Variants in FANCA observed in about 807,000 individuals in gnomAD.
The protein encoded by FANCA is FA complementation group A, also known as Fanconi anemia group A protein.
FANCA carries 236 observed loss-of-function variants against 194.3 expected under a neutral mutation model. The observed-to-expected ratio is 1.21, with a 90% confidence interval of 1.09 to 1.35. The LOEUF is 1.35. FANCA is among the 40% of genes most tolerant of loss of function. FANCA has a pLI of 0.00. For missense variants in FANCA, 2,628 were observed against 1,813.9 expected, an observed-to-expected ratio of 1.45 and a Z score of -8.15; for synonymous variants, 1,014 against 715.8, an observed-to-expected ratio of 1.42 and a Z score of -6.65.
At chr16:89,812,449 C>T (rs1013729300) in intron 3 of FANCA, among the ~76,000 whole-genome samples, 2 of 150,788 alleles carry the variant, frequency 1.3e-5, no homozygotes, top group Non-Finnish European at 3.0e-5. Context: ...GAGTTTGAGA[C>T]CAGCCTGACC....
chr16:89,774,645 G>T (rs2039434649), intron 21 of FANCA, among the ~76,000 whole-genome samples: 1 of 147,184 alleles, frequency 6.8e-6, no homozygotes, highest in South Asian at 2.2e-4. Flanking sequence ...CAGGAGAATG[G>T]CATGAACCTG....
At chr16:89,757,341 G>A (rs896501771) in intron 30 of FANCA, among the ~76,000 whole-genome samples, 1 of 152,120 alleles carries the variant, frequency 6.6e-6, no homozygotes, top group East Asian at 1.9e-4. Context: ...TTGGAGTAGG[G>A]TTAACAAGAA....
chr16:89,767,749 C>G (rs1444593157), intron 26 of FANCA, among the ~76,000 whole-genome samples: 2 of 152,160 alleles, frequency 1.3e-5, no homozygotes, highest in Non-Finnish European at 2.9e-5. Context: ...GGGGTTTCAC[C>G]GTGTTAGCGA....
At chr16:89,773,519 A>G (rs1282201562) in intron 21 of FANCA, 135 bp from the exon 22 acceptor site, 4 of 704,572 alleles carry the variant, frequency 5.7e-6, no homozygotes, top group Non-Finnish European at 7.6e-6. Context: ...AGGGACTGGG[A>G]GTCTCTGAGG....
intron 5 of FANCA, 37 bp downstream of exon 5, chr16:89,810,670 G>A (rs1335910524): frequency 7.5e-7 from 1 of 1,328,582 alleles, no homozygotes; most frequent in South Asian, 1.2e-5. Flanking sequence ...ACATTGCCTG[G>A]AACACTGGAG....
At chr16:89,788,315 G>A (rs13332137) in intron 14 of FANCA, among the ~76,000 whole-genome samples, 4 of 152,164 alleles carry the variant, frequency 2.6e-5, no homozygotes, top group Middle Eastern at 3.4e-3. Flanking sequence ...ACAAAAATTA[G>A]CCAGGTGTGG....
intron 14 of FANCA, among the ~76,000 whole-genome samples, chr16:89,787,652 T>C (rs1037238694): frequency 5.9e-5 from 9 of 151,880 alleles, no homozygotes; most frequent in African/African-American, 2.2e-4. Flanking sequence ...GGGAGGATCA[T>C]TTGAGCCTGG....
chr16:89,780,202 G>T (rs1472417507), intron 17 of FANCA, among the ~76,000 whole-genome samples: 1 of 152,150 alleles, frequency 6.6e-6, no homozygotes, highest in Non-Finnish European at 1.5e-5. Context: ...CCCGTGATGT[G>T]CGGCCCTCCT....
At chr16:89,768,205 G>A (rs1346170932) in intron 26 of FANCA, among the ~76,000 whole-genome samples, 1 of 152,076 alleles carries the variant, frequency 6.6e-6, no homozygotes, top group Non-Finnish European at 1.5e-5. Context: ...TTCAGCCTGG[G>A]GGACACAGTG....
intron 17 of FANCA, among the ~76,000 whole-genome samples, chr16:89,781,519 CA>C (rs1425566235): frequency 1.4e-5 from 2 of 142,396 alleles, no homozygotes; most frequent in African/African-American, 5.2e-5. Flanking sequence ...TAAAAAAATA[CA>C]AAAAAATTAG....
chr16:89,791,903 C>T (rs761697761), intron 13 of FANCA, 24 bp downstream of exon 13: 24 of 1,613,908 alleles, frequency 1.5e-5, no homozygotes, highest in Middle Eastern at 1.6e-4. Context: ...TGACCAGCAC[C>T]ACCGGGCTCG....
intron 14 of FANCA, among the ~76,000 whole-genome samples, chr16:89,788,738 T>C (rs761246462): frequency 3.3e-5 from 5 of 151,870 alleles, no homozygotes; most frequent in Non-Finnish European, 5.9e-5. Context: ...AGGTAAAGGC[T>C]GCAGTGAGCT....
intron 21 of FANCA, among the ~76,000 whole-genome samples, 153 bp downstream of exon 21, chr16:89,775,589 C>G (rs983554761): frequency 9.9e-5 from 15 of 152,246 alleles, no homozygotes; most frequent in African/African-American, 3.6e-4. Flanking sequence ...CACTGGGCGT[C>G]AGCATGGTGG....
chr16:89,786,254 G>A (rs937576921), intron 14 of FANCA, among the ~76,000 whole-genome samples: 1 of 152,088 alleles, frequency 6.6e-6, no homozygotes, highest in African/African-American at 2.4e-5. Context: ...CGTAATCTCG[G>A]CTTACCGTAA....
rs543350684 is a variant in FANCA, at chr16:89,792,075, T to A, written c.1084-7A>T. The A allele has an allele frequency of 6.2e-7, 1 of 1,614,178 alleles. No individual in the cohort carries two copies. Among genetic ancestry groups the A allele is most frequent in the African/African-American group, 1.3e-5 (1 of 75,046 alleles). ...CACTCAGCATCACAAAGAGCTGAAA[T>A]AAAAGCATCCGCTCCCTTCAATATC... On this transcript the variant is annotated splice_polypyrimidine_tract_variant and splice_region_variant and intron_variant, in intron 12 of 42. Coordinates refer to ENST00000389301, the MANE Select transcript of FANCA (RefSeq NM_000135.4).
Position 89,746,353 on chromosome 16 carries a change from G to A in FANCA, c.3513+231C>T, listed in dbSNP as rs150861094. Reference sequence around the variant, plus strand: ...GTGGGGTCCACAGGGGAGAAGTCCTGCGGGTGCCATGGTGACGGCGGTGGG... The same window carrying A: ...GTGGGGTCCACAGGGGAGAAGTCCTACGGGTGCCATGGTGACGGCGGTGGG... On this transcript the variant is annotated intron_variant, in intron 35 of 42. Coordinates refer to ENST00000389301, the MANE Select transcript of FANCA (RefSeq NM_000135.4). Among the ~76,000 whole-genome samples the A allele has an allele frequency of 5.0e-3, 767 of 152,318 alleles. 5 individuals carry two copies. Among genetic ancestry groups the A allele is most frequent in the African/African-American group, 0.018 (746 of 41,570 alleles).
At position 89,773,339 on chromosome 16, in the gene FANCA, G is replaced by A; in HGVS notation, c.1946C>T (p.Pro649Leu). The change falls in exon 22 of 43, where the codon CCC (proline) becomes CTC (leucine). Residue 649 changes from proline to leucine, a missense_variant. Physicochemically the swap from Pro to Leu is moderately conservative, Grantham distance 98. Transcript: ENST00000389301. ...CAGTGCAGCTGTGAGCTGTCCCAGG[G>A]GCTCCTCAGCAGAGTTGGGTTCTGC... ...VRAEPNSAEEPLGQLTAALGE... is the reference protein window; with the variant it reads ...VRAEPNSAEELLGQLTAALGE... 1 of 1,551,592 alleles carries A rather than the reference G, an allele frequency of 6.4e-7. No homozygotes were observed. Among genetic ancestry groups the A allele is most frequent in the African/African-American group, 1.4e-5 (1 of 73,154 alleles).
intron 42 of FANCA, 67 bp from the exon 43 acceptor site, chr16:89,738,775 C>G (rs773463465): frequency 6.2e-7 from 1 of 1,612,446 alleles, no homozygotes; most frequent in East Asian, 2.2e-5. Context: ...GGGAGGGGCT[C>G]TGGCAGAAAT....
chr16:89,797,174 A>G (rs1387349036), intron 10 of FANCA, among the ~76,000 whole-genome samples: 2 of 151,714 alleles, frequency 1.3e-5, no homozygotes, highest in Admixed American at 6.6e-5. Context: ...AAAGAAAAAT[A>G]AAAAAAATTA....
Sources: allele counts gnomAD v4.1 joint callset (sites outside exome capture counted in the v4.1 genomes callset), GRCh38; gene constraint gnomAD v4.1.1; transcripts MANE v1.5; gene names NCBI Gene and HGNC (gene_info 2026-07-23, HGNC 2026-07-21).